The following ERMARD variants were observed in gnomAD, a reference collection of about 807,000 sequenced individuals.
ERMARD encodes ER membrane associated RNA degradation, also known as endoplasmic reticulum membrane-associated RNA degradation protein.
ERMARD carries 71 observed loss-of-function variants against 83.9 expected under a neutral mutation model. The observed-to-expected ratio is 0.85, with a 90% CI of 0.70 to 1.03. The LOEUF (loss-of-function observed/expected upper bound fraction) is 1.03, where lower values mean the gene tolerates loss of function less well. ERMARD is among the 50% of genes least tolerant of loss of function. The pLI is 0.00. For missense variants in ERMARD, 838 were observed against 810.9 expected (o/e 1.03, Z -0.41); for synonymous variants, 284 against 298.6 (o/e 0.95, Z 0.50).
At chr6:169,770,183 T>A (rs1460010995) in intron 12 of ERMARD, among the ~76,000 whole-genome samples, 1 of 152,342 alleles carries the variant, frequency 6.6e-6, no homozygotes, top group African/African-American at 2.4e-5. Context: ...ATTGTTTAAA[T>A]GTTCAAACAA....
intron 17 of ERMARD, among the ~76,000 whole-genome samples, chr6:169,781,120 TC>T (rs1438843763): frequency 3.9e-5 from 6 of 152,212 alleles, no homozygotes; most frequent in African/African-American, 1.4e-4. Context: ...TGTCCAAGTG[TC>T]CAGTAGCATT....
At position 169,760,700 on chromosome 6, in the gene ERMARD, A is replaced by G. The variant is rs1791437748; in HGVS notation, c.801A>G (p.Ile267Met). The G allele has an allele frequency of 3.1e-6, 5 of 1,613,874 alleles. No homozygotes were observed. Among genetic ancestry groups the G allele is most frequent in the African/African-American group, 1.3e-5 (1 of 74,914 alleles). ...LEEVMMKSAF[I>M]LKIMLPYWEV... is the part of the protein sequence containing the mutation. ...AAGTGATGATGAAATCTGCTTTTAT[A>G]TTAAAAATCATGTTACCATATTGGG... The change falls in exon 8 of 18, where the codon ATA becomes ATG. Residue 267 changes from isoleucine (I) to methionine (M), a missense_variant. Transcript: ENST00000366773.
upstream of ERMARD, chr6:169,751,604 G>A: frequency 6.3e-7 from 1 of 1,589,616 alleles, no homozygotes; most frequent in South Asian, 1.1e-5. Flanking sequence ...CCTGGAGGAG[G>A]GGCGCGCAGG....
At chr6:169,756,626 C>T in intron 4 of ERMARD, 93 bp from the exon 5 acceptor site, 3 of 1,163,892 alleles carry the variant, frequency 2.6e-6, no homozygotes, top group Non-Finnish European at 3.8e-6. Flanking sequence ...ACTTTTCACC[C>T]TTCATTTGTA....
chr6:169,754,069 G>C, intron 2 of ERMARD, 37 bp downstream of exon 2: 1 of 1,555,750 alleles, frequency 6.4e-7, no homozygotes, highest in Non-Finnish European at 8.7e-7. Context: ...TTTCATAACT[G>C]TCCCATTGAA....
At chr6:169,776,763 A>G (rs1585421285) in intron 16 of ERMARD, 90 bp downstream of exon 16, 2 of 1,443,798 alleles carry the variant, frequency 1.4e-6, no homozygotes, top group Non-Finnish European at 1.9e-6. Flanking sequence ...AGACACACAC[A>G]GTAGCCCCTC....
At chr6:169,758,323 C>A (rs1791076910) in intron 5 of ERMARD, among the ~76,000 whole-genome samples, 1 of 152,164 alleles carries the variant, frequency 6.6e-6, no homozygotes, top group South Asian at 2.1e-4. Flanking sequence ...AAGTATGGCG[C>A]CTCAAACCCA....
intron 14 of ERMARD, 95 bp from the exon 15 acceptor site, chr6:169,775,845 G>C (rs1409504598): frequency 7.0e-7 from 1 of 1,432,832 alleles, no homozygotes; most frequent in Middle Eastern, 2.0e-4. Context: ...TCACAGTCAG[G>C]TCGCTGCTCA....
At position 169,781,507 on chromosome 6, in the gene ERMARD, CTT is replaced by C. The variant is rs1562358909; in HGVS notation, c.2032_2033del (p.Leu678MetfsTer10). The C allele has an allele frequency of 6.3e-7, 1 of 1,584,838 alleles. No homozygotes were observed. Among genetic ancestry groups the C allele is most frequent in the African/African-American group, 1.4e-5 (1 of 73,584 alleles). On this transcript the variant is annotated frameshift_variant, in exon 18 of 18. Transcript: ENST00000366773. LOFTEE classifies it high-confidence loss of function. The stretch of plus-strand genomic sequence containing the variant: ...CCAAGAAATCCACAAGTAAAGTACT[CTT>C]ATGAAAACTTGTAAGTCAGGATGCT... ...LAKKSTSKVL[L>X]
At chr6:169,758,579 T>C (rs1791114141) in intron 5 of ERMARD, among the ~76,000 whole-genome samples, 1 of 152,258 alleles carries the variant, frequency 6.6e-6, no homozygotes, top group African/African-American at 2.4e-5. Context: ...TCATTGTCTT[T>C]TTACATTTTA....
chr6:169,767,989 C>CTTAGATAACAAAGTTAGATAACAAAG, intron 10 of ERMARD, 114 bp from the exon 11 acceptor site: 1 of 785,596 alleles, frequency 1.3e-6, no homozygotes, highest in Non-Finnish European at 2.1e-6. Context: ...ATTTAATTTG[C>CTTAGATAACAAAGTTAGATAACAAAG]TTAGACCTTA....
chr6:169,751,663 G>A lies in ERMARD; in HGVS notation c.6G>A (p.Glu2=), dbSNP rs1563002486. M[E]VLIGDPITTC... ...GCAGCGGGGCACCGGAAGTTATGGA[G>A]GTAGGGCGGGTGTAGGGCCCGGTTC... The change falls in exon 1 of 18, where the codon GAG becomes GAA. Residue 2 remains glutamate, a splice_region_variant and synonymous_variant. Transcript: ENST00000366773. The A allele has an allele frequency of 4.5e-6, 7 of 1,558,102 alleles. No individual in the cohort carries two copies. Among genetic ancestry groups the A allele is most frequent in the Admixed American group, 1.9e-5 (1 of 51,288 alleles).
At chr6:169,751,797 G>T in intron 1 of ERMARD, 134 bp downstream of exon 1, 4 of 1,295,474 alleles carry the variant, frequency 3.1e-6, no homozygotes, top group Non-Finnish European at 4.1e-6. Flanking sequence ...GCTGGAGGGC[G>T]CTGGCGACGT....
In ERMARD at chr6:169,776,823, G is replaced by T. The variant is rs1296322191; in HGVS notation, c.1739+150G>T. 6.5e-6 allele frequency: 6 copies of T among 927,912 alleles called. No homozygotes were observed. In the Admixed American group the frequency reaches 6.6e-5, roughly 10 times the overall value. The allele number at this position is 927,912 out of a possible 1,614,324, so 57.5% of individuals were successfully genotyped here. On this transcript the variant is annotated intron_variant, in intron 16 of 17. Transcript: ENST00000366773. ...ATATACTTGGAGTCCACAACTGAGT[G>T]TGAACCCAAAGTATCTGAGACAGGT...
rs1563014752 is a variant in ERMARD at position 169,759,894 on chromosome 6, A to G, written c.662A>G (p.Tyr221Cys). The G allele has an allele frequency of 6.2e-7, 1 of 1,614,230 alleles. No homozygotes were observed. The highest frequency in any genetic ancestry group is 1.7e-5 in the Admixed American group (1 of 60,036). The change falls in exon 7 of 18, where the codon TAC (tyrosine) becomes TGC (cysteine). Residue 221 changes from tyrosine to cysteine, a missense_variant. Coordinates refer to ENST00000366773, the MANE Select transcript of ERMARD (RefSeq NM_018341.3). ...GGATTGGGTCAGTTACTGAAGAGTT[A>G]CCTTCAAAACACTAAACTTACATTG... is the stretch of plus-strand genomic sequence containing the variant. ...TAGLGQLLKS[Y>C]LQNTKLTLAH...
intron 1 of ERMARD, 156 bp downstream of exon 1, chr6:169,751,819 C>A: frequency 1.8e-6 from 2 of 1,136,010 alleles, no homozygotes; most frequent in South Asian, 1.9e-5. Context: ...GCGGCCCTGG[C>A]CTCTGTGGCG....
chr6:169,779,088 T>G (rs1562354485), intron 16 of ERMARD, 94 bp from the exon 17 acceptor site: 7 of 1,078,094 alleles, frequency 6.5e-6, no homozygotes, highest in South Asian at 1.3e-5. Flanking sequence ...AGTTGGGACT[T>G]AAGGATGTTG....
intron 4 of ERMARD, 52 bp downstream of exon 4, chr6:169,756,491 A>C: frequency 7.6e-7 from 1 of 1,317,638 alleles, no homozygotes; most frequent in Non-Finnish European, 1.1e-6. Context: ...CTGAATGAAC[A>C]TGAAACTATT....
intron 2 of ERMARD, among the ~76,000 whole-genome samples, chr6:169,754,499 T>C (rs1039940175): frequency 6.6e-6 from 1 of 152,220 alleles, no homozygotes; most frequent in Non-Finnish European, 1.5e-5. Flanking sequence ...CAGTCCGTTT[T>C]CAGGAATCCT....
Sources: gnomAD v4.1 joint callset for allele counts (sites outside exome capture counted in the v4.1 genomes callset) on GRCh38, gnomAD v4.1.1 for gene constraint, MANE v1.5 for transcripts, NCBI Gene and HGNC (gene_info 2026-07-23, HGNC 2026-07-21) for gene names.